The following DYNC2H1 variants were observed in gnomAD, a reference collection of about 807,000 sequenced individuals.
The protein encoded by DYNC2H1 is dynein cytoplasmic 2 heavy chain 1.
DYNC2H1 carries 410 observed loss-of-function variants against 570.0 expected under a neutral mutation model. That is an observed-to-expected ratio of 0.72 (90% CI 0.66 to 0.78). DYNC2H1 has a LOEUF of 0.78. Among genes scored for constraint, DYNC2H1 ranks in the 30% least tolerant of loss-of-function variants. The pLI is 0.00. For missense variants in DYNC2H1, 4,865 were observed against 5,046.4 expected (o/e 0.96, Z 1.09); for synonymous variants, 1,688 against 1,677.6 (o/e 1.01, Z -0.15).
intron 31 of DYNC2H1, among the ~76,000 whole-genome samples, chr11:103,168,129 G>A (rs1861409456): frequency 6.6e-6 from 1 of 152,110 alleles, no homozygotes; most frequent in African/African-American, 2.4e-5. Context: ...ACACTTTTGT[G>A]CAATTTGGGT....
At chr11:103,316,012 A>C (rs1937810285) in intron 79 of DYNC2H1, among the ~76,000 whole-genome samples, 1 of 152,076 alleles carries the variant, frequency 6.6e-6, no homozygotes. Flanking sequence ...TTTATGTTTC[A>C]ATTTATTGTC....
At chr11:103,156,262 C>CTTTT in intron 25 of DYNC2H1, 126 bp from the exon 26 acceptor site, 1 of 811,988 alleles carries the variant, frequency 1.2e-6, no homozygotes, top group African/African-American at 1.8e-5. Flanking sequence ...AGCCACTTAA[C>CTTTT]TTTTTTTTTT....
At chr11:103,354,632 A>G (rs537145280) in intron 82 of DYNC2H1, among the ~76,000 whole-genome samples, 1 of 152,094 alleles carries the variant, frequency 6.6e-6, no homozygotes, top group East Asian at 1.9e-4. Flanking sequence ...TTGATAGTGC[A>G]CTCTCAGTTT....
In DYNC2H1 at chr11:103,120,442, T is replaced by C; in HGVS notation, c.1000-5T>C. ...AAATTCTGTTGTTTTAATACTTCAT[T>C]TTAGGTCTTGGCTATTAGAACAATT... On this transcript the variant is annotated splice_polypyrimidine_tract_variant and splice_region_variant and intron_variant, in intron 6 of 88. Coordinates refer to ENST00000375735, the MANE Select transcript of DYNC2H1 (RefSeq NM_001377.3). The C allele has an allele frequency of 6.2e-7, 1 of 1,602,076 alleles. No homozygotes were observed. The highest frequency in any genetic ancestry group is 8.5e-7 in the Non-Finnish European group (1 of 1,173,566).
At chr11:103,346,756 T>C (rs141642698) in intron 82 of DYNC2H1, among the ~76,000 whole-genome samples, 1 of 152,298 alleles carries the variant, frequency 6.6e-6, no homozygotes, top group Non-Finnish European at 1.5e-5. Context: ...TATTTCAAGA[T>C]AACAAAAGAA....
chr11:103,300,955 T>TA (rs1565476488), intron 75 of DYNC2H1, among the ~76,000 whole-genome samples: 1 of 151,880 alleles, frequency 6.6e-6, no homozygotes, highest in Non-Finnish European at 1.5e-5. Flanking sequence ...TTTTATTGTA[T>TA]AATACATGGT....
intron 46 of DYNC2H1, 81 bp from the exon 47 acceptor site, chr11:103,192,016 G>A: frequency 8.6e-7 from 1 of 1,158,006 alleles, no homozygotes; most frequent in South Asian, 2.3e-5. Context: ...GTAGACACCT[G>A]CTATTTCTTT....
chr11:103,450,443 A>G (rs1337346545), intron 85 of DYNC2H1, among the ~76,000 whole-genome samples: 1 of 152,236 alleles, frequency 6.6e-6, no homozygotes, highest in Admixed American at 6.5e-5. Context: ...TGTGCCATAC[A>G]GCTAGTCTAA....
intron 77 of DYNC2H1, among the ~76,000 whole-genome samples, chr11:103,307,044 T>C (rs918196453): frequency 1.3e-5 from 2 of 152,104 alleles, no homozygotes; most frequent in South Asian, 2.1e-4. Flanking sequence ...AGACATAATA[T>C]TTAAATTGTA....
At chr11:103,424,125 C>CAGAGT (rs1281028616) in intron 84 of DYNC2H1, among the ~76,000 whole-genome samples, 1 of 151,950 alleles carries the variant, frequency 6.6e-6, no homozygotes, top group East Asian at 1.9e-4. Context: ...TGCATGGATC[C>CAGAGT]AGAGTATTTT....
intron 36 of DYNC2H1, among the ~76,000 whole-genome samples, chr11:103,175,219 G>A (rs1175504477): frequency 6.6e-6 from 1 of 152,132 alleles, no homozygotes; most frequent in Non-Finnish European, 1.5e-5. Context: ...TATGAAAGTA[G>A]AGACAACATA....
rs1240921070 is a variant in DYNC2H1 at position 103,181,825 on chromosome 11, A to G, written c.6416A>G (p.Asn2139Ser). ...WLRNQPAEYRNNLENWIGDYF... is the reference protein window; with the variant it reads ...WLRNQPAEYRSNLENWIGDYF... ...AGGAATCAGCCTGCTGAATATAGAA[A>G]TAATCTTGAAAATTGGATTGGAGAT... The change falls in exon 40 of 89, where the codon AAT (asparagine) becomes AGT (serine). Residue 2139 changes from asparagine to serine, a missense_variant. Asn to Ser is a conservative substitution (Grantham distance 46). This residue lies in a region of DYNC2H1 where 231 missense variants were observed against 310.3 expected (regional missense o/e 0.74). Coordinates refer to ENST00000375735, the MANE Select transcript of DYNC2H1 (RefSeq NM_001377.3). The surrounding 1 kb of genome is among the most constrained non-coding windows in gnomAD (Gnocchi z 5.0). The G allele has an allele frequency of 1.3e-6, 2 of 1,595,558 alleles. No individual in the cohort carries two copies. The highest frequency in any genetic ancestry group is 1.7e-5 in the Admixed American group (1 of 57,872).
chr11:103,285,221 G>A, intron 73 of DYNC2H1, among the ~76,000 whole-genome samples: 1 of 152,086 alleles, frequency 6.6e-6, no homozygotes, highest in East Asian at 1.9e-4. Context: ...TCTGAATATA[G>A]CATGGACAAG....
rs567118298 is a variant in DYNC2H1 at position 103,140,103 on chromosome 11, G to A, written c.2575-3165G>A. ...CTCCATCCTTTTATTTTGAGCCTAT[G>A]TTGTCTCTGCACGTGAGATGGGTTT... On this transcript the variant is annotated intron_variant, in intron 17 of 88. Transcript: ENST00000375735. 4.6e-5 allele frequency among the ~76,000 whole-genome samples: 7 copies of A among 152,210 alleles called. No individual in the cohort carries two copies. The South Asian group carries it at 1.5e-3, about 32-fold the overall frequency.
In DYNC2H1 at chr11:103,352,020, A is replaced by C. The variant is rs371725014; in HGVS notation, c.12040-6223A>C. Among the ~76,000 whole-genome samples the C allele has an allele frequency of 5.3e-5, 8 of 152,100 alleles. No homozygotes were observed. In the East Asian group the frequency reaches 5.8e-4, roughly 11 times the overall value. On this transcript the variant is annotated intron_variant, in intron 82 of 88. Transcript: ENST00000375735. The stretch of plus-strand genomic sequence containing the variant: ...AATTTCTCTATTAGCCAAATTTGCA[A>C]CTTTGTATGGTATAAAGTTTAAAAT...
intron 88 of DYNC2H1, 93 bp from the exon 89 acceptor site, chr11:103,478,997 CATAAT>C (rs1421889818): frequency 4.0e-5 from 53 of 1,309,712 alleles, no homozygotes; most frequent in Admixed American, 1.1e-4. Context: ...TGAAACATTT[CATAAT>C]ATAATATTAA....
At chr11:103,338,174 T>C (rs1259232350) in intron 82 of DYNC2H1, among the ~76,000 whole-genome samples, 2 of 152,130 alleles carry the variant, frequency 1.3e-5, no homozygotes, top group African/African-American at 4.8e-5. Flanking sequence ...TGAAGCTGAG[T>C]TGGTTGTAAA....
At chr11:103,176,180 C>CT (rs1351493959) in intron 36 of DYNC2H1, 55 bp from the exon 37 acceptor site, 20 of 1,367,896 alleles carry the variant, frequency 1.5e-5, no homozygotes, top group Non-Finnish European at 3.8e-6. Context: ...TATTTAAAAA[C>CT]TTTTTTCATC....
Position 103,283,036 on chromosome 11 carries a change from T to C in DYNC2H1, c.10841T>C (p.Leu3614Pro). The stretch of plus-strand genomic sequence containing the variant: ...TCTCAACAAAAAATACGTGATCAGC[T>C]TCCGTCTTGGATAGATCAGGAACGA... The part of the protein sequence containing the change: ...ADSQQKIRDQ[L>P]PSWIDQERSW... Residue 3614 changes from leucine to proline, a missense_variant, in exon 73 of 89, where the codon CTT becomes CCT. Transcript: ENST00000375735. 1 of 1,605,426 alleles carries C rather than the reference T, an allele frequency of 6.2e-7. No individual in the cohort carries two copies. The highest frequency in any genetic ancestry group is 1.1e-5 in the South Asian group (1 of 88,516).
Sources: gnomAD v4.1 joint callset for allele counts (sites outside exome capture counted in the v4.1 genomes callset) on GRCh38, gnomAD v4.1.1 for gene constraint, gnomAD v4.1.1 regional missense constraint, Gnocchi (gnomAD v3.1) non-coding constraint, MANE v1.5 for transcripts, NCBI Gene and HGNC (gene_info 2026-07-23, HGNC 2026-07-21) for gene names.